LGMN: variants seen among roughly 807,000 people sequenced by gnomAD.
LGMN encodes legumain, also known as asparaginyl endopeptidase.
Under a neutral mutation model 56.8 loss-of-function variants are expected in LGMN, and 36 were observed. The ratio of observed to expected loss-of-function variants is 0.63; its 90% CI spans 0.49 to 0.84. LGMN has a LOEUF of 0.84. Among genes scored for constraint, LGMN ranks in the 40% least tolerant of loss-of-function variants. The pLI is 0.00. For missense variants in LGMN, 446 were observed against 556.1 expected (o/e 0.80, Z 1.99); for synonymous variants, 199 against 210.1 (o/e 0.95, Z 0.46).
intron 1 of LGMN, among the ~76,000 whole-genome samples, chr14:92,742,163 CT>C (rs1891585593): frequency 6.6e-6 from 1 of 152,036 alleles, no homozygotes; most frequent in African/African-American, 2.4e-5. Flanking sequence ...CTAACCCCCC[CT>C]CACCTTGCCC....
At chr14:92,733,010 G>C (rs1021214783) in intron 1 of LGMN, among the ~76,000 whole-genome samples, 195 bp from the exon 2 acceptor site, 1 of 151,988 alleles carries the variant, frequency 6.6e-6, no homozygotes, top group Non-Finnish European at 1.5e-5. Flanking sequence ...TTAGCTAGGC[G>C]TGGTAGCACG....
chr14:92,743,392 A>G (rs1891658960), intron 1 of LGMN, among the ~76,000 whole-genome samples: 2 of 151,986 alleles, frequency 1.3e-5, no homozygotes, highest in African/African-American at 4.8e-5. Flanking sequence ...AGTCCCACCT[A>G]CTCGGGAGGC....
intron 5 of LGMN, among the ~76,000 whole-genome samples, chr14:92,715,430 G>A (rs970994047): frequency 3.3e-5 from 5 of 152,176 alleles, no homozygotes; most frequent in African/African-American, 1.2e-4. Context: ...TGGCCAGGCT[G>A]GTCTTCAACT....
At chr14:92,712,638 C>T in intron 8 of LGMN, 167 bp downstream of exon 8, 5 of 629,510 alleles carry the variant, frequency 7.9e-6, no homozygotes, top group Non-Finnish European at 5.7e-6. Flanking sequence ...ACTACCAGTG[C>T]TTCAGAAGCA....
chr14:92,714,549 G>A lies in LGMN; in HGVS notation c.405-98C>T, dbSNP rs1889966072. ...TAATCAAAAAATTAAGAAGTTTGGG[G>A]AGTAGAGTTGCCCAACCAGGTTTGA... On this transcript the variant is annotated intron_variant, in intron 5 of 13. Coordinates refer to ENST00000334869, the MANE Select transcript of LGMN (RefSeq NM_005606.7). This position sits in a 1 kb window ranked among gnomAD's most constrained non-coding sequence, Gnocchi z 5.1. 1 of 871,896 alleles carries A rather than the reference G, an allele frequency of 1.1e-6. No individual in the cohort carries two copies. The highest frequency in any genetic ancestry group is 1.8e-6 in the Non-Finnish European group (1 of 554,528). 54.0% of individuals were successfully genotyped at this position (871,896 alleles called of 1,614,324 possible).
At chr14:92,710,800 T>C (rs1303993797) in intron 10 of LGMN, among the ~76,000 whole-genome samples, 1 of 152,186 alleles carries the variant, frequency 6.6e-6, no homozygotes, top group African/African-American at 2.4e-5. Flanking sequence ...CACCTTTCCC[T>C]GGCCGTCCCT....
In LGMN at chr14:92,706,366, C is replaced by T. The variant is rs1030351905; in HGVS notation, c.1191+117G>A. 9.5e-5 allele frequency: 77 copies of T among 813,492 alleles called. 1 individual carries two copies. The highest frequency in any genetic ancestry group is 1.3e-4 in the Non-Finnish European group (72 of 553,600). The allele number at this position is 813,492 out of a possible 1,614,324, so 50.4% of individuals were successfully genotyped here. Reference sequence around the variant, plus strand: ...ACCTTCTTCCTCTCTGAAATGAGCCCACTGTTTCTCAGCCTGGATGGAACC... The same window carrying T: ...ACCTTCTTCCTCTCTGAAATGAGCCTACTGTTTCTCAGCCTGGATGGAACC... On this transcript the variant is annotated intron_variant, in intron 12 of 13. Transcript: ENST00000334869.
At chr14:92,718,959 C>A (rs1890210850) in intron 2 of LGMN, 115 bp from the exon 3 acceptor site, 2 of 635,494 alleles carry the variant, frequency 3.1e-6, no homozygotes, top group African/African-American at 3.7e-5. Context: ...TCCCGTCGGT[C>A]AGGCATTTAA....
In LGMN at chr14:92,712,807, T is replaced by A; in HGVS notation, c.608A>T (p.Asn203Ile). Residue 203 changes from asparagine to isoleucine, a missense_variant and splice_region_variant, in exon 8 of 14, where the codon AAT becomes ATT. Coordinates refer to ENST00000334869, the MANE Select transcript of LGMN (RefSeq NM_005606.7). The part of the protein sequence containing the change: ...SMMNHLPDNI[N>I]VYATTAANPR... ...AGGCCGGCGCCCCAACCACCTACCA[T>A]TGATGTTATCCGGCAGGTGGTTCAT... 1 of 1,613,674 alleles carries A rather than the reference T, an allele frequency of 6.2e-7. No homozygotes were observed. Among genetic ancestry groups the A allele is most frequent in the South Asian group, 1.1e-5 (1 of 90,962 alleles).
chr14:92,727,360 G>A (rs1890790490), intron 2 of LGMN, among the ~76,000 whole-genome samples: 1 of 150,314 alleles, frequency 6.7e-6, no homozygotes, highest in African/African-American at 2.5e-5. Flanking sequence ...AACCCGGGAG[G>A]TGGATGTTGC....
chr14:92,713,243 TG>T (rs767312087), intron 7 of LGMN, among the ~76,000 whole-genome samples: 4 of 152,104 alleles, frequency 2.6e-5, no homozygotes, highest in East Asian at 1.9e-4. Context: ...TTTTTTGTTT[TG>T]TTTTTTTGTT....
intron 2 of LGMN, among the ~76,000 whole-genome samples, chr14:92,720,998 C>T (rs535291030): frequency 5.1e-4 from 78 of 152,144 alleles, no homozygotes; most frequent in African/African-American, 1.7e-3. Flanking sequence ...TCAAGTGATC[C>T]TCCCACCTCA....
chr14:92,719,158 GCCACCACCACCACCACCA>G (rs71123370), intron 2 of LGMN, among the ~76,000 whole-genome samples: 1 of 96,250 alleles, frequency 1.0e-5, no homozygotes, highest in East Asian at 3.1e-4. Context: ...CACCGCCACT[GCCACCACCACCACCACCA>G]CCACCATCAC....
In LGMN at chr14:92,714,665, C is replaced by T. The variant is rs535784193; in HGVS notation, c.405-214G>A. Among the ~76,000 whole-genome samples, 20 of 152,310 alleles carry T rather than the reference C, an allele frequency of 1.3e-4. No individual in the cohort carries two copies. The highest frequency in any genetic ancestry group is 3.6e-4 in the African/African-American group (15 of 41,564). Reference sequence around the variant, plus strand: ...TGAACCACAGTATAGATCCTAGAGCCTCCAAATTCTGAACTACGGCTGGAA... The same window carrying T: ...TGAACCACAGTATAGATCCTAGAGCTTCCAAATTCTGAACTACGGCTGGAA... On this transcript the variant is annotated intron_variant, in intron 5 of 13. Coordinates refer to ENST00000334869, the MANE Select transcript of LGMN (RefSeq NM_005606.7). The surrounding 1 kb of genome is among the most constrained non-coding windows in gnomAD (Gnocchi z 5.1).
At chr14:92,735,790 T>G (rs562811786) in intron 1 of LGMN, among the ~76,000 whole-genome samples, 187 of 151,988 alleles carry the variant, frequency 1.2e-3, no homozygotes, top group African/African-American at 4.3e-3. Context: ...GCTCCCAGAT[T>G]TGTTTTTTTC....
intron 11 of LGMN, among the ~76,000 whole-genome samples, chr14:92,708,856 CAAAAAAAAAA>C (rs58813848): frequency 1.1e-4 from 8 of 71,650 alleles, no homozygotes; most frequent in Admixed American, 3.7e-4. Context: ...ACTCTTGTCT[CAAAAAAAAAA>C]AAAAAAAAAA....
rs115518801 is a variant in LGMN, at chr14:92,720,113, A to G, written c.139-1269T>C. Among the ~76,000 whole-genome samples the G allele has an allele frequency of 4.8e-3, 738 of 152,340 alleles. 4 individuals are homozygous for G. Among genetic ancestry groups the G allele is most frequent in the African/African-American group, 0.017 (699 of 41,576 alleles). On this transcript the variant is annotated intron_variant, in intron 2 of 13. Transcript: ENST00000334869. ...TGGGTGCTTGGTATACAGCTTTTGA[A>G]GGCTGAATGGGTGAGGTCCAGGGCC...
chr14:92,739,026 A>C (rs918852829), intron 1 of LGMN, among the ~76,000 whole-genome samples: 3 of 151,840 alleles, frequency 2.0e-5, no homozygotes, highest in Non-Finnish European at 2.9e-5. Context: ...TCAAAAAAAA[A>C]AAAAACAAAA....
chr14:92,712,738 C>A, intron 8 of LGMN, 67 bp downstream of exon 8: 1 of 1,447,726 alleles, frequency 6.9e-7, no homozygotes, highest in African/African-American at 1.4e-5. Context: ...ATGCTCAGTT[C>A]CATGTCAGCG....
Sources: gnomAD v4.1 joint callset for allele counts (sites outside exome capture counted in the v4.1 genomes callset) on GRCh38, gnomAD v4.1.1 for gene constraint, Gnocchi (gnomAD v3.1) non-coding constraint, MANE v1.5 for transcripts, NCBI Gene and HGNC (gene_info 2026-07-23, HGNC 2026-07-21) for gene names.